DOCK2: variants seen among roughly 807,000 people sequenced by gnomAD.
DOCK2 encodes dedicator of cytokinesis protein 2.
Under a neutral mutation model 248.9 loss-of-function variants are expected in DOCK2, and 87 were observed. The ratio of observed to expected loss-of-function variants is 0.35; its 90% CI spans 0.29 to 0.42. The LOEUF (loss-of-function observed/expected upper bound fraction) is 0.42. DOCK2 is among the 10% of genes least tolerant of loss of function. The pLI is 1.00. For missense variants in DOCK2, 1,747 were observed against 2,300.2 expected (o/e 0.76, Z 4.92); for synonymous variants, 805 against 821.6 (o/e 0.98, Z 0.35).
At chr5:169,713,479 T>G (rs1761700400) in intron 17 of DOCK2, among the ~76,000 whole-genome samples, 1 of 152,204 alleles carries the variant, frequency 6.6e-6, no homozygotes, top group Admixed American at 6.5e-5. Context: ...GTATTCTATA[T>G]GCATTATTCC....
chr5:169,738,983 C>T (rs559014313), intron 22 of DOCK2, among the ~76,000 whole-genome samples: 28 of 152,324 alleles, frequency 1.8e-4, no homozygotes, highest in African/African-American at 6.7e-4. Context: ...GTTTGATCTC[C>T]ACATTCCTTG....
intron 3 of DOCK2, among the ~76,000 whole-genome samples, chr5:169,669,791 T>A (rs986575852): frequency 6.6e-6 from 1 of 152,218 alleles, no homozygotes; most frequent in African/African-American, 2.4e-5. Flanking sequence ...GAGCAGGCGC[T>A]TGCTTTGCTT....
chr5:169,637,448 G>A (rs1380733031), intron 1 of DOCK2, 79 bp downstream of exon 1: 3 of 1,280,004 alleles, frequency 2.3e-6, no homozygotes, highest in African/African-American at 3.1e-5. Flanking sequence ...CTGCGGGGCC[G>A]GCGGCGCGGG....
At chr5:169,708,512 T>C (rs1427364887) in intron 15 of DOCK2, among the ~76,000 whole-genome samples, 1 of 151,684 alleles carries the variant, frequency 6.6e-6, no homozygotes, top group African/African-American at 2.4e-5. Context: ...TCTGGGTCTG[T>C]GCTCATCCCC....
chr5:169,827,620 C>T (rs1768950822), intron 26 of DOCK2, among the ~76,000 whole-genome samples: 2 of 152,106 alleles, frequency 1.3e-5, no homozygotes, highest in African/African-American at 4.8e-5. Context: ...ATGAGGTGCC[C>T]ATCTTTCTAC....
chr5:169,667,888 T>C (rs1250816378), intron 2 of DOCK2, among the ~76,000 whole-genome samples: 2 of 152,230 alleles, frequency 1.3e-5, no homozygotes, highest in African/African-American at 2.4e-5. Context: ...AATGTGATGC[T>C]TCATGAAGTA....
chr5:169,846,125 A>G (rs1028757089), intron 27 of DOCK2, among the ~76,000 whole-genome samples: 9 of 152,188 alleles, frequency 5.9e-5, no homozygotes, highest in African/African-American at 2.2e-4. Context: ...GCTTGGGAAT[A>G]TTAATCAATA....
Position 169,671,992 on chromosome 5 carries a change from G to C in DOCK2, c.321+818G>C, listed in dbSNP as rs561164531. 2.6e-5 allele frequency among the ~76,000 whole-genome samples: 4 copies of C among 152,090 alleles called. 1 individual carries two copies. In the South Asian group the frequency reaches 8.3e-4, roughly 32 times the overall value. ...TTTTTGTTCATCTCCACTATACGCT[G>C]ACCTTTTTTTTTTATTTATTTTTTA... On this transcript the variant is annotated intron_variant, in intron 5 of 51. Coordinates refer to ENST00000520908, the MANE Select transcript of DOCK2 (RefSeq NM_004946.3).
At chr5:170,036,824 T>G (rs1756339896) in intron 36 of DOCK2, among the ~76,000 whole-genome samples, 1 of 152,186 alleles carries the variant, frequency 6.6e-6, no homozygotes, top group African/African-American at 2.4e-5. Context: ...GAATACTTTG[T>G]GATTTGAACT....
intron 7 of DOCK2, among the ~76,000 whole-genome samples, chr5:169,682,329 G>A (rs979476721): frequency 2.0e-5 from 3 of 152,240 alleles, no homozygotes; most frequent in African/African-American, 4.8e-5. Flanking sequence ...ACCAGGCCTG[G>A]GATGATCTGG....
At chr5:169,654,616 A>G (rs1355971736) in intron 2 of DOCK2, 130 bp downstream of exon 2, 1 of 823,652 alleles carries the variant, frequency 1.2e-6, no homozygotes, top group Non-Finnish European at 1.9e-6. Context: ...TGGTAACGCT[A>G]GTAATTAGAA....
chr5:169,786,216 A>T (rs1257570957), intron 25 of DOCK2, among the ~76,000 whole-genome samples: 2 of 152,274 alleles, frequency 1.3e-5, no homozygotes, highest in Non-Finnish European at 1.5e-5. Flanking sequence ...ATAAATTATG[A>T]TCACTCACTC....
intron 27 of DOCK2, among the ~76,000 whole-genome samples, chr5:169,932,865 T>TAA (rs34887864): frequency 6.1e-4 from 92 of 151,140 alleles, no homozygotes; most frequent in Non-Finnish European, 1.1e-3. Context: ...CAGGGCCAAA[T>TAA]AAAAAAAAAT....
At chr5:169,659,872 C>T (rs559530838) in intron 2 of DOCK2, among the ~76,000 whole-genome samples, 1 of 152,328 alleles carries the variant, frequency 6.6e-6, no homozygotes, top group South Asian at 2.1e-4. Context: ...CCCCCAGTCA[C>T]TTCCTCCAGT....
rs143785638 is a variant in DOCK2 at position 169,979,821 on chromosome 5, A to G, written c.2800-3247A>G. Among the ~76,000 whole-genome samples the G allele has an allele frequency of 3.9e-5, 6 of 152,346 alleles. No homozygotes were observed. The East Asian group carries it at 1.2e-3, about 29-fold the overall frequency. ...AGTAATTTTGATTGATCAGTGAACTACAACACACCGACCAACTCCTAATGA... is the reference window on the plus strand; with the variant it reads ...AGTAATTTTGATTGATCAGTGAACTGCAACACACCGACCAACTCCTAATGA... On this transcript the variant is annotated intron_variant, in intron 27 of 51. Transcript: ENST00000520908.
intron 27 of DOCK2, among the ~76,000 whole-genome samples, chr5:169,896,459 A>T (rs748990903): frequency 6.6e-6 from 1 of 152,180 alleles, no homozygotes; most frequent in Non-Finnish European, 1.5e-5. Flanking sequence ...TCTCTGGGCT[A>T]TGATTTTCTC....
chr5:169,819,731 A>C (rs1437495176), intron 26 of DOCK2, among the ~76,000 whole-genome samples: 3 of 152,172 alleles, frequency 2.0e-5, no homozygotes, highest in African/African-American at 7.2e-5. Flanking sequence ...TTTCCAACTG[A>C]GGTACCGGGT....
At chr5:169,871,705 T>G (rs1179821628) in intron 27 of DOCK2, among the ~76,000 whole-genome samples, 1 of 151,964 alleles carries the variant, frequency 6.6e-6, no homozygotes, top group African/African-American at 2.4e-5. Context: ...TGTAGGGTGG[T>G]GGGGGTGGAG....
At chr5:169,775,200 A>G (rs1052683681) in intron 25 of DOCK2, among the ~76,000 whole-genome samples, 5 of 152,176 alleles carry the variant, frequency 3.3e-5, no homozygotes, top group Non-Finnish European at 5.9e-5. Context: ...ATGAGCCACC[A>G]CACCCAGCCA....
Sources: gnomAD v4.1 joint callset for allele counts (sites outside exome capture counted in the v4.1 genomes callset) on GRCh38, gnomAD v4.1.1 for gene constraint, MANE v1.5 for transcripts, NCBI Gene and HGNC (gene_info 2026-07-23, HGNC 2026-07-21) for gene names.